The following PTPRQ variants were observed in gnomAD, a reference collection of about 807,000 sequenced individuals.
The protein encoded by PTPRQ is phosphatidylinositol phosphatase PTPRQ.
Under a neutral mutation model 246.0 loss-of-function variants are expected in PTPRQ, and 199 were observed. The observed-to-expected ratio is 0.81, with a 90% CI of 0.72 to 0.91. The LOEUF is 0.91. Ranked by LOEUF, PTPRQ falls within the 40% of genes least tolerant of loss-of-function variation. The probability of loss-of-function intolerance (pLI) is 0.00; values close to 1 mark genes in which losing one functional copy is unlikely to be tolerated. For synonymous variants in PTPRQ, 869 were observed against 853.2 expected, an observed-to-expected ratio of 1.02 and a Z score of -0.32; for missense variants, 2,624 against 2,528.4, an observed-to-expected ratio of 1.04 and a Z score of -0.81.
intron 7 of PTPRQ, 53 bp downstream of exon 7, chr12:80,468,891 T>C: frequency 6.6e-7 from 1 of 1,523,482 alleles, no homozygotes; most frequent in Non-Finnish European, 8.8e-7. Context: ...TAATAAAATA[T>C]GTTACCAATA....
chr12:80,539,732 A>G, intron 19 of PTPRQ, 44 bp from the exon 20 acceptor site: 3 of 1,474,996 alleles, frequency 2.0e-6, no homozygotes, highest in Non-Finnish European at 2.7e-6. Context: ...GTTCATGCAT[A>G]CTAAAAAAAT....
chr12:80,630,229 C>A (rs1297694601), intron 33 of PTPRQ, among the ~76,000 whole-genome samples: 2 of 152,042 alleles, frequency 1.3e-5, no homozygotes, highest in African/African-American at 2.4e-5. Flanking sequence ...AAAGAGCCTT[C>A]TTTTCTCCTT....
chr12:80,549,942 A>G (rs1476409530), intron 25 of PTPRQ, among the ~76,000 whole-genome samples: 1 of 152,114 alleles, frequency 6.6e-6, no homozygotes, highest in Non-Finnish European at 1.5e-5. Flanking sequence ...GATTGAAGGG[A>G]GGAAAAAAAG....
chr12:80,659,875 G>A (rs377242537), intron 39 of PTPRQ, among the ~76,000 whole-genome samples: 6 of 152,068 alleles, frequency 3.9e-5, no homozygotes, highest in Middle Eastern at 3.4e-3. Flanking sequence ...ACAAGAAGGC[G>A]GATTTCTATA....
In PTPRQ at chr12:80,462,074, G is replaced by T. The variant is rs147541349; in HGVS notation, c.910+1172G>T. ...AGCAGGGCGAGGCATTGCCTCACTT[G>T]GGGAGCACAAGGGGTCAGGGAGTTC... On this transcript the variant is annotated intron_variant, in intron 6 of 44. Transcript: ENST00000644991. 2.4e-3 allele frequency: 1,640 copies of T among 681,424 alleles called. 22 individuals are homozygous for T. The African/African-American group carries it at 0.027, about 11-fold the overall frequency. The allele number at this position is 681,424 out of a possible 1,614,324, so 42.2% of individuals were successfully genotyped here.
rs118101468 is a variant in PTPRQ, at chr12:80,555,150, A to G, written c.4285+5416A>G. On this transcript the variant is annotated intron_variant, in intron 25 of 44. Coordinates refer to ENST00000644991, the MANE Select transcript of PTPRQ (RefSeq NM_001145026.2). ...GTCTGGGTATCGAACTCCTGACTTC[A>G]TGTGATCTACCTGCCTCGGCCTCCC... is the stretch of plus-strand genomic sequence containing the variant. 4.3e-3 allele frequency among the ~76,000 whole-genome samples: 659 copies of G among 152,240 alleles called. 28 individuals carry two copies. In the South Asian group the frequency reaches 0.07, roughly 16 times the overall value.
At chr12:80,589,237 A>G (rs1157396679) in intron 26 of PTPRQ, among the ~76,000 whole-genome samples, 2 of 152,198 alleles carry the variant, frequency 1.3e-5, no homozygotes, top group Non-Finnish European at 2.9e-5. Flanking sequence ...TGTGATGGTT[A>G]CTATGCAACA....
At chr12:80,477,623 G>T (rs998437336) in intron 8 of PTPRQ, among the ~76,000 whole-genome samples, 8 of 152,112 alleles carry the variant, frequency 5.3e-5, no homozygotes, top group Non-Finnish European at 1.0e-4. Flanking sequence ...GAGGTACCGG[G>T]TTCATCTCAC....
At chr12:80,628,815 A>G (rs73150773) in intron 33 of PTPRQ, among the ~76,000 whole-genome samples, 23,541 of 152,150 alleles carry the variant, frequency 0.15, 2,231 homozygotes, top group Middle Eastern at 0.22. Context: ...TGGAGGAAAA[A>G]AGTAGAACAG....
At chr12:80,655,840 C>T (rs1206496412) in intron 38 of PTPRQ, among the ~76,000 whole-genome samples, 2 of 152,022 alleles carry the variant, frequency 1.3e-5, no homozygotes, top group African/African-American at 2.4e-5. Flanking sequence ...TGTTTCTCTC[C>T]CCTGAGTAAT....
chr12:80,594,213 A>T (rs1897894815), intron 26 of PTPRQ, among the ~76,000 whole-genome samples: 1 of 152,196 alleles, frequency 6.6e-6, no homozygotes, highest in Non-Finnish European at 1.5e-5. Context: ...TAATACACTT[A>T]TGTGATAAGT....
At chr12:80,446,543 A>C (rs1185171939) in intron 3 of PTPRQ, among the ~76,000 whole-genome samples, 1 of 151,714 alleles carries the variant, frequency 6.6e-6, no homozygotes, top group African/African-American at 2.4e-5. Flanking sequence ...CCCAAATAGT[A>C]AACATTGTAC....
intron 35 of PTPRQ, among the ~76,000 whole-genome samples, chr12:80,637,673 T>C (rs1173828494): frequency 6.6e-6 from 1 of 152,192 alleles, no homozygotes; most frequent in Non-Finnish European, 1.5e-5. Context: ...TTACTATTTA[T>C]GCAATATTTT....
At chr12:80,508,070 A>G (rs945656572) in intron 16 of PTPRQ, among the ~76,000 whole-genome samples, 1 of 152,002 alleles carries the variant, frequency 6.6e-6, no homozygotes, top group Non-Finnish European at 1.5e-5. Context: ...ACTCAAGTCA[A>G]TAGTTCCAAA....
At chr12:80,516,138 T>C (rs1158248101) in intron 17 of PTPRQ, among the ~76,000 whole-genome samples, 1 of 152,208 alleles carries the variant, frequency 6.6e-6, no homozygotes, top group African/African-American at 2.4e-5. Flanking sequence ...TGTAAGCTTA[T>C]TGTTTTAATT....
intron 26 of PTPRQ, among the ~76,000 whole-genome samples, chr12:80,589,472 T>C (rs548158941): frequency 5.3e-5 from 8 of 152,138 alleles, no homozygotes; most frequent in Non-Finnish European, 1.2e-4. Context: ...TTCTTAAACA[T>C]TTTTGATACT....
chr12:80,450,579 T>A (rs7953180), intron 3 of PTPRQ, among the ~76,000 whole-genome samples: 2 of 150,758 alleles, frequency 1.3e-5, no homozygotes, highest in Non-Finnish European at 3.0e-5. Flanking sequence ...TGAGAGTTTT[T>A]AGCATGAAGC....
intron 15 of PTPRQ, 49 bp downstream of exon 15, chr12:80,506,255 T>C: frequency 1.4e-6 from 2 of 1,397,348 alleles, no homozygotes; most frequent in Non-Finnish European, 1.9e-6. Context: ...AATGACAGAG[T>C]AGCCACAAAT....
Position 80,679,068 on chromosome 12 carries a change from A to C in PTPRQ, c.*45A>C, listed in dbSNP as rs758330526. 2.6e-6 allele frequency: 4 copies of C among 1,532,958 alleles called. No homozygotes were observed. The highest frequency in any genetic ancestry group is 3.5e-6 in the Non-Finnish European group (4 of 1,139,832). 95.0% of individuals were successfully genotyped at this position (1,532,958 alleles called of 1,614,324 possible). On this transcript the variant is annotated 3_prime_UTR_variant, in exon 45 of 45. Coordinates refer to ENST00000644991, the MANE Select transcript of PTPRQ (RefSeq NM_001145026.2). ...CAATTGGAAGAGATTTTTAAATCCC[A>C]GGGGCCAAAGTTACCCCCTCATTCT...
Sources: gnomAD v4.1 joint callset for allele counts (sites outside exome capture counted in the v4.1 genomes callset) on GRCh38, gnomAD v4.1.1 for gene constraint, MANE v1.5 for transcripts, NCBI Gene and HGNC (gene_info 2026-07-23, HGNC 2026-07-21) for gene names.